The following KDM4A variants were observed in gnomAD, a reference collection of about 807,000 sequenced individuals.
KDM4A encodes the protein lysine demethylase 4A, also known as lysine-specific demethylase 4A.
A neutral mutation model predicts 127.1 loss-of-function variants in KDM4A; 23 were observed. The ratio of observed to expected loss-of-function variants is 0.18; its 90% CI spans 0.13 to 0.26. The LOEUF (loss-of-function observed/expected upper bound fraction) is 0.26, where lower values mean the gene tolerates loss of function less well. Among genes scored for constraint, KDM4A ranks in the 10% least tolerant of loss-of-function variants. The pLI is 1.00. For missense variants in KDM4A, 890 were observed against 1,329.1 expected, an observed-to-expected ratio of 0.67 and a Z score of 5.14; for synonymous variants, 443 against 466.5, an observed-to-expected ratio of 0.95 and a Z score of 0.65.
At chr1:43,665,362 CCTT>C (rs1438561774) in intron 5 of KDM4A, among the ~76,000 whole-genome samples, 3 of 152,050 alleles carry the variant, frequency 2.0e-5, no homozygotes, top group Non-Finnish European at 4.4e-5. Context: ...ATAGTGACAT[CCTT>C]CTTTTTTTTT....
At chr1:43,663,204 G>T in intron 5 of KDM4A, 117 bp downstream of exon 5, 2 of 861,736 alleles carry the variant, frequency 2.3e-6, no homozygotes, top group Non-Finnish European at 3.6e-6. Context: ...TCAGGCTTGG[G>T]GTGACATTCC....
intron 1 of KDM4A, among the ~76,000 whole-genome samples, chr1:43,651,338 T>A (rs2154046057): frequency 6.6e-6 from 1 of 152,196 alleles, no homozygotes; most frequent in East Asian, 1.9e-4. Flanking sequence ...CACTTAAGAG[T>A]GGGCTGTGGG....
intron 1 of KDM4A, among the ~76,000 whole-genome samples, chr1:43,651,167 A>G (rs190561888): frequency 2.6e-5 from 4 of 152,268 alleles, no homozygotes; most frequent in Non-Finnish European, 1.5e-5. Flanking sequence ...GTATGTTTTT[A>G]TAAAATGTGC....
intron 2 of KDM4A, among the ~76,000 whole-genome samples, chr1:43,654,733 GTGTGTGT>G (rs1280247235): frequency 5.4e-5 from 4 of 74,704 alleles, no homozygotes; most frequent in Non-Finnish European, 1.4e-4. Context: ...GTGTGTGTGT[GTGTGTGT>G]TGTTTTCTCC....
intron 4 of KDM4A, among the ~76,000 whole-genome samples, chr1:43,661,036 G>A (rs951925865): frequency 4.6e-5 from 7 of 151,482 alleles, no homozygotes; most frequent in African/African-American, 1.5e-4. Flanking sequence ...GTGCAATGGC[G>A]CGATCTCAGC....
chr1:43,683,891 G>C (rs1297523464), intron 12 of KDM4A, 87 bp downstream of exon 12: 31 of 1,496,426 alleles, frequency 2.1e-5, no homozygotes, highest in Non-Finnish European at 2.8e-5. Context: ...CAAGCTGAGG[G>C]ATAAGGGTGG....
At chr1:43,671,021 GTA>G (rs1660606718) in intron 10 of KDM4A, among the ~76,000 whole-genome samples, 1 of 152,228 alleles carries the variant, frequency 6.6e-6, no homozygotes, top group Non-Finnish European at 1.5e-5. Flanking sequence ...GATTTGTGAA[GTA>G]TATATAAGTT....
At chr1:43,658,617 C>T (rs1660302441) in intron 3 of KDM4A, among the ~76,000 whole-genome samples, 1 of 151,328 alleles carries the variant, frequency 6.6e-6, no homozygotes, top group South Asian at 2.1e-4. Context: ...AATTCTCCTG[C>T]CTCAGCTTCC....
Position 43,689,099 on chromosome 1 carries a change from A to T in KDM4A, c.2037+4A>T, listed in dbSNP as rs764710201. ...GATCTTCCAGACTTATCATCAGGTA[A>T]CCCAGCTCCATGCACTCTGTTTACC... On this transcript the variant is annotated splice_donor_region_variant and intron_variant, in intron 13 of 21. Coordinates refer to ENST00000372396, the MANE Select transcript of KDM4A (RefSeq NM_014663.3). 1.2e-6 allele frequency: 2 copies of T among 1,613,746 alleles called. No individual in the cohort carries two copies. Among genetic ancestry groups the T allele is most frequent in the South Asian group, 1.1e-5 (1 of 91,030 alleles).
At chr1:43,692,152 C>T in intron 15 of KDM4A, 104 bp from the exon 16 acceptor site, 1 of 1,018,108 alleles carries the variant, frequency 9.8e-7, no homozygotes, top group South Asian at 1.3e-5. Flanking sequence ...TATTATGCTT[C>T]TTTCTTATGT....
At chr1:43,655,909 T>C in intron 3 of KDM4A, 143 bp downstream of exon 3, 1 of 564,178 alleles carries the variant, frequency 1.8e-6, no homozygotes, top group East Asian at 3.2e-5. Flanking sequence ...TTTCTGCTTT[T>C]TTTATGGAAG....
At chr1:43,652,968 G>A (rs879458887) in intron 1 of KDM4A, among the ~76,000 whole-genome samples, 169 bp from the exon 2 acceptor site, 2 of 152,208 alleles carry the variant, frequency 1.3e-5, no homozygotes, top group Non-Finnish European at 2.9e-5. Flanking sequence ...ACAGGCGTGA[G>A]CCACCGTGCC....
chr1:43,651,812 T>C (rs1245616120), intron 1 of KDM4A, among the ~76,000 whole-genome samples: 4 of 152,240 alleles, frequency 2.6e-5, no homozygotes, highest in African/African-American at 9.6e-5. Context: ...GAAGTTCTCA[T>C]CTAAAAACAA....
chr1:43,654,843 A>G (rs145919536), intron 2 of KDM4A, among the ~76,000 whole-genome samples: 3 of 151,688 alleles, frequency 2.0e-5, no homozygotes, highest in African/African-American at 7.2e-5. Flanking sequence ...TAACTATTCA[A>G]GATTAGATTT....
In KDM4A at chr1:43,655,755, C is replaced by T. The variant is rs201297278; in HGVS notation, c.303C>T (p.Ala101=). The T allele has an allele frequency of 4.8e-4, 775 of 1,610,262 alleles. 5 individuals carry two copies. The Middle Eastern group carries it at 7.0e-3, about 14-fold the overall frequency. ...CTGTTCGAGAGTTCCGCAAGATAGC[C>T]AATAGCGATAAGTGAGTGGAAACCC... ...AMTVREFRKI[A]NSDKYCTPRY... Residue 101 remains alanine, a synonymous_variant, in exon 3 of 22, where the codon GCC becomes GCT. Transcript: ENST00000372396.
intron 2 of KDM4A, chr1:43,653,855 A>G (rs1023847637): frequency 2.0e-5 from 3 of 152,232 alleles, no homozygotes; most frequent in Non-Finnish European, 4.4e-5. Context: ...ATATTCTGTC[A>G]CAATCAGGTT....
chr1:43,697,729 T>C lies in KDM4A; in HGVS notation c.2671-114T>C, dbSNP rs2154049049. 3.8e-6 allele frequency: 4 copies of C among 1,047,506 alleles called. No homozygotes were observed. In the South Asian group the frequency reaches 6.4e-5, roughly 17 times the overall value. 64.9% of individuals were successfully genotyped at this position (1,047,506 alleles called of 1,614,324 possible). A position where few individuals can be genotyped will look rare whatever the true frequency, so the allele number is the denominator to read the frequency against. ...CCCATCTCTTCTCTCCTTTTTACTT[T>C]TACTTTCCCATGCTTATCTTTCCCT... On this transcript the variant is annotated intron_variant, in intron 18 of 21. Transcript: ENST00000372396.
rs772773094 is a variant in KDM4A, at chr1:43,689,080, C to T, written c.2022C>T (p.Phe674=). Residue 674 remains phenylalanine, a synonymous_variant, in exon 13 of 22, where the codon TTC becomes TTT. Transcript: ENST00000372396. Reference sequence around the variant, plus strand: ...CTCACTGCGCTGTCTGTATGATCTTCCAGACTTATCATCAGGTAACCCAGC... The same window carrying T: ...CTCACTGCGCTGTCTGTATGATCTTTCAGACTTATCATCAGGTAACCCAGC... ...QAPHCAVCMI[F]QTYHQVEFGG... is the part of the protein sequence containing the mutation. 22 of 1,613,988 alleles carry T rather than the reference C, an allele frequency of 1.4e-5. No individual in the cohort carries two copies. The highest frequency in any genetic ancestry group is 1.8e-5 in the Non-Finnish European group (21 of 1,179,996).
At chr1:43,703,902 A>G in intron 20 of KDM4A, 118 bp from the exon 21 acceptor site, 1 of 1,292,262 alleles carries the variant, frequency 7.7e-7, no homozygotes. Context: ...GAAGTAAGGT[A>G]GTTGTTATTT....
Sources: gnomAD v4.1 joint callset for allele counts (sites outside exome capture counted in the v4.1 genomes callset) on GRCh38, gnomAD v4.1.1 for gene constraint, MANE v1.5 for transcripts, NCBI Gene and HGNC (gene_info 2026-07-23, HGNC 2026-07-21) for gene names.